The following ZC4H2 variants were observed in gnomAD, a reference collection of about 807,000 sequenced individuals.
The protein encoded by ZC4H2 is zinc finger C4H2-type containing.
For synonymous variants in ZC4H2, 84 were observed against 66.3 expected, an observed-to-expected ratio of 1.27 and a Z score of -1.30; for missense variants, 137 against 173.9, an observed-to-expected ratio of 0.79 and a Z score of 1.19.
rs186053648 is a variant in ZC4H2, at chrX:64,968,691, G to A, written c.53+7634C>T. Among the ~76,000 whole-genome samples, 7 of 111,587 alleles carry A rather than the reference G, an allele frequency of 6.3e-5. No homozygotes were observed. In the South Asian group the frequency reaches 1.9e-3, roughly 30 times the overall value. ...ACTCGTGAACCACAGGGAAACCACAGGGTTTTCAGGGTACTTTAGGGTTTC... is the reference window on the plus strand; with the variant it reads ...ACTCGTGAACCACAGGGAAACCACAAGGTTTTCAGGGTACTTTAGGGTTTC... On this transcript the variant is annotated intron_variant, in intron 1 of 4. Coordinates refer to ENST00000374839, the MANE Select transcript of ZC4H2 (RefSeq NM_018684.4).
intron 1 of ZC4H2, among the ~76,000 whole-genome samples, chrX:65,000,764 C>A (rs1245587963): frequency 8.9e-6 from 1 of 111,987 alleles, no homozygotes; most frequent in Non-Finnish European, 1.9e-5. Flanking sequence ...AGATGAAAAA[C>A]ACAGCACGAG....
chrX:64,921,699 C>T (rs1338240368), intron 2 of ZC4H2, 118 bp downstream of exon 2: 15 of 805,349 alleles, frequency 1.9e-5, no homozygotes, highest in Non-Finnish European at 2.6e-5. Flanking sequence ...TCTACCACAG[C>T]CTGCACTGAT....
intron 1 of ZC4H2, among the ~76,000 whole-genome samples, chrX:64,945,735 C>T (rs1425085022): frequency 9.0e-6 from 1 of 111,586 alleles, no homozygotes; most frequent in Non-Finnish European, 1.9e-5. Flanking sequence ...CATCTATGAG[C>T]CCCTAACTGG....
At chrX:65,030,335 G>A (rs771129116) in intron 1 of ZC4H2, among the ~76,000 whole-genome samples, 94 of 109,833 alleles carry the variant, frequency 8.6e-4, no homozygotes, top group Non-Finnish European at 1.6e-3. Flanking sequence ...TGCCCAGGCT[G>A]GTCTCGAGCT....
chrX:64,990,409 G>C (rs901402448), intron 1 of ZC4H2, among the ~76,000 whole-genome samples: 3 of 110,687 alleles, frequency 2.7e-5, no homozygotes, highest in African/African-American at 9.9e-5. Flanking sequence ...GCAATATGAG[G>C]GTTCCTTGTG....
At chrX:65,006,936 T>C (rs780953655) in intron 1 of ZC4H2, among the ~76,000 whole-genome samples, 1 of 112,366 alleles carries the variant, frequency 8.9e-6, no homozygotes, top group Non-Finnish European at 1.9e-5. Context: ...AGATTTGAAA[T>C]ATTTGCCTTT....
rs748335257 is a variant in ZC4H2, at chrX:64,952,276, C to T, written c.53+24049G>A. 3.7e-5 allele frequency among the ~76,000 whole-genome samples: 4 copies of T among 109,473 alleles called. No individual in the cohort carries two copies. In the South Asian group the frequency reaches 1.6e-3, roughly 43 times the overall value. On this transcript the variant is annotated intron_variant, in intron 1 of 4. Coordinates refer to ENST00000374839, the MANE Select transcript of ZC4H2 (RefSeq NM_018684.4). ...TTCTTTTGGCTTAGGATTGACTTGG[C>T]AATGCAGGCTCTTTTTTGGTTCCAT... is the stretch of plus-strand genomic sequence containing the variant.
intron 1 of ZC4H2, among the ~76,000 whole-genome samples, chrX:64,946,972 A>G (rs1246469055): frequency 9.0e-6 from 1 of 111,212 alleles, no homozygotes; most frequent in Non-Finnish European, 1.9e-5. Context: ...TTATAATGTA[A>G]GCATTTAGTG....
chrX:64,992,756 C>A, intron 1 of ZC4H2, among the ~76,000 whole-genome samples: 1 of 111,486 alleles, frequency 9.0e-6, no homozygotes, highest in Non-Finnish European at 1.9e-5. Flanking sequence ...ACATACCAAG[C>A]ACTATCAAGG....
chrX:64,995,690 G>A (rs1932400157), intron 1 of ZC4H2, among the ~76,000 whole-genome samples: 1 of 112,204 alleles, frequency 8.9e-6, no homozygotes, highest in African/African-American at 3.2e-5. Flanking sequence ...CTTGAAGATA[G>A]CAGCTACACT....
chrX:65,008,300 A>T (rs1932701002), intron 1 of ZC4H2, among the ~76,000 whole-genome samples: 2 of 111,868 alleles, frequency 1.8e-5, no homozygotes, highest in South Asian at 3.7e-4. Context: ...TTTGTCTAAA[A>T]GATAGGCAAT....
At chrX:64,924,130 C>A (rs928115974) in intron 1 of ZC4H2, among the ~76,000 whole-genome samples, 2 of 111,668 alleles carry the variant, frequency 1.8e-5, no homozygotes, top group Non-Finnish European at 3.8e-5. Flanking sequence ...TAGTGTCTCA[C>A]CCTAAGTGTC....
intron 1 of ZC4H2, among the ~76,000 whole-genome samples, chrX:65,012,942 G>A (rs1035922020): frequency 1.8e-5 from 2 of 111,591 alleles, no homozygotes; most frequent in Admixed American, 1.9e-4. Flanking sequence ...AGCATTTTCA[G>A]AAATGCTCGA....
chrX:64,959,550 A>C (rs757571352), intron 1 of ZC4H2, among the ~76,000 whole-genome samples: 1 of 107,965 alleles, frequency 9.3e-6, no homozygotes, highest in East Asian at 2.9e-4. Flanking sequence ...TTAAGAGATT[A>C]TTTTTATCAG....
At chrX:64,952,147 T>G (rs1930876696) in intron 1 of ZC4H2, among the ~76,000 whole-genome samples, 1 of 110,686 alleles carries the variant, frequency 9.0e-6, no homozygotes, top group Admixed American at 9.6e-5. Flanking sequence ...TCTGTTCTGT[T>G]CCATTGATCT....
intron 1 of ZC4H2, among the ~76,000 whole-genome samples, chrX:65,022,643 T>C (rs758896744): frequency 1.8e-5 from 2 of 111,859 alleles, no homozygotes; most frequent in South Asian, 3.7e-4. Context: ...AGCCTTCCTA[T>C]ACACCAATAA....
intron 1 of ZC4H2, among the ~76,000 whole-genome samples, chrX:64,971,958 T>A (rs1187254415): frequency 9.0e-6 from 1 of 111,447 alleles, no homozygotes; most frequent in Non-Finnish European, 1.9e-5. Flanking sequence ...AAGGAAATAT[T>A]GTTTTGTACT....
At chrX:65,033,233 T>A (rs760727746) in intron 1 of ZC4H2, among the ~76,000 whole-genome samples, 31 of 112,697 alleles carry the variant, frequency 2.8e-4, no homozygotes, top group African/African-American at 5.5e-4. Flanking sequence ...GTATTAAGTT[T>A]AATACAGAAC....
rs778656613 is a variant in ZC4H2 at position 64,996,861 on chromosome X, T to C, written c.-272+37768A>G. 7.2e-5 allele frequency among the ~76,000 whole-genome samples: 8 copies of C among 110,824 alleles called. No individual in the cohort carries two copies. The South Asian group carries it at 1.1e-3, about 16-fold the overall frequency. ...AAGGGACCTGTGGTACACCATTAAG[T>C]GGACCAACATACAAATTTGGGAATC... is the stretch of plus-strand genomic sequence containing the variant. On this transcript the variant is annotated intron_variant, in intron 1 of 4. Coordinates refer to the ZC4H2 transcript ENST00000337990.
Sources: allele counts gnomAD v4.1 joint callset (sites outside exome capture counted in the v4.1 genomes callset), GRCh38; gene constraint gnomAD v4.1.1; transcripts MANE v1.5; gene names NCBI Gene and HGNC (gene_info 2026-07-23, HGNC 2026-07-21).